HHLA2: variants seen among roughly 807,000 people sequenced by gnomAD.
The protein encoded by HHLA2 is HERV-H LTR-associating protein 2.
HHLA2 carries 48 observed loss-of-function variants against 45.9 expected under a neutral mutation model. The observed-to-expected ratio is 1.05, with a 90% confidence interval of 0.83 to 1.33. The LOEUF (loss-of-function observed/expected upper bound fraction) is 1.33. HHLA2 is among the 40% of genes most tolerant of loss of function. HHLA2 has a pLI of 0.00. For synonymous variants in HHLA2, 161 were observed against 173.9 expected (o/e 0.93, Z 0.59); for missense variants, 462 against 494.3 (o/e 0.93, Z 0.62).
At chr3:108,375,330 G>T (rs1405998802) in intron 8 of HHLA2, among the ~76,000 whole-genome samples, 1 of 147,208 alleles carries the variant, frequency 6.8e-6, no homozygotes, top group African/African-American at 2.5e-5. Context: ...GGACTCTTGT[G>T]GGGTAGGGGA....
chr3:108,360,331 A>AAAT (rs951598021), intron 7 of HHLA2, among the ~76,000 whole-genome samples: 2 of 152,124 alleles, frequency 1.3e-5, no homozygotes, highest in African/African-American at 4.8e-5. Context: ...AAACTAACAC[A>AAAT]AATTTTCTTC....
intron 8 of HHLA2, among the ~76,000 whole-genome samples, chr3:108,372,166 A>C (rs1443814913): frequency 1.3e-5 from 2 of 152,264 alleles, no homozygotes; most frequent in Non-Finnish European, 2.9e-5. Context: ...CTCAGGATTA[A>C]GAAATTCACT....
intron 2 of HHLA2, among the ~76,000 whole-genome samples, chr3:108,317,275 C>G (rs1469588666): frequency 1.3e-5 from 2 of 152,186 alleles, no homozygotes; most frequent in African/African-American, 4.8e-5. Context: ...CAACTAGGAT[C>G]TCTGTGACAT....
intron 3 of HHLA2, among the ~76,000 whole-genome samples, chr3:108,330,029 A>C (rs547810009): frequency 1.3e-5 from 2 of 152,142 alleles, no homozygotes; most frequent in African/African-American, 4.8e-5. Flanking sequence ...AAACTCATTC[A>C]TGTGGCTGCT....
Position 108,376,485 on chromosome 3 carries a change from T to TC in HHLA2, c.1160-6dup. 6.3e-7 allele frequency: 1 copy of TC among 1,594,932 alleles called. No individual in the cohort carries two copies. The highest frequency in any genetic ancestry group is 8.5e-7 in the Non-Finnish European group (1 of 1,173,818). ...ATTATTTTTAAGTTCTCTTTTTTTT[T>TC]CCTGTAGAAAGATGTTGTGTCCCTC... On this transcript the variant is annotated splice_polypyrimidine_tract_variant and splice_region_variant and intron_variant, in intron 9 of 10. Coordinates refer to ENST00000619531, the Ensembl canonical transcript of HHLA2.
intron 3 of HHLA2, among the ~76,000 whole-genome samples, chr3:108,338,957 G>A (rs1461290932): frequency 6.6e-6 from 1 of 152,218 alleles, no homozygotes; most frequent in Non-Finnish European, 1.5e-5. Flanking sequence ...AGGAGACTAA[G>A]ATGGCAATGG....
chr3:108,345,566 C>G (rs1245979806), intron 3 of HHLA2, among the ~76,000 whole-genome samples: 1 of 152,130 alleles, frequency 6.6e-6, no homozygotes, highest in Non-Finnish European at 1.5e-5. Flanking sequence ...AGAGACCAGC[C>G]CCAATTTCCA....
intron 7 of HHLA2, among the ~76,000 whole-genome samples, chr3:108,359,991 G>T (rs2107477706): frequency 6.6e-6 from 1 of 152,234 alleles, no homozygotes; most frequent in East Asian, 1.9e-4. Flanking sequence ...TGCTTTCATT[G>T]CAATTAAAGA....
At chr3:108,349,365 C>T (rs1241601030) in intron 3 of HHLA2, among the ~76,000 whole-genome samples, 2 of 152,146 alleles carry the variant, frequency 1.3e-5, no homozygotes, top group East Asian at 3.8e-4. Context: ...ACTATAAACA[C>T]CTCTACGCAA....
rs947581633 is a variant in HHLA2, at chr3:108,348,659, T to A, written c.-26-3129T>A. ...GCAGGGACAAATTTCTTTTTTTTTT[T>A]TAATTATACTTTAAATTCTGGGTTA... On this transcript the variant is annotated intron_variant, in intron 3 of 10. Coordinates refer to ENST00000619531, the Ensembl canonical transcript of HHLA2. Among the ~76,000 whole-genome samples the A allele has an allele frequency of 5.4e-4, 65 of 119,588 alleles. 1 individual carries two copies. Among genetic ancestry groups the A allele is most frequent in the Admixed American group, 8.4e-4 (10 of 11,894 alleles). The allele number at this position is 119,588 out of a possible 152,430, so 78.5% of individuals were successfully genotyped here. A position where few individuals can be genotyped will look rare whatever the true frequency, so the allele number is the denominator to read the frequency against.
At chr3:108,297,319 G>T (rs557434682) in intron 1 of HHLA2, among the ~76,000 whole-genome samples, 1 of 152,240 alleles carries the variant, frequency 6.6e-6, no homozygotes, top group African/African-American at 2.4e-5. Context: ...TAGAAACTTG[G>T]AGGAAATAAT....
At chr3:108,341,038 C>T (rs749165799) in intron 3 of HHLA2, among the ~76,000 whole-genome samples, 2 of 151,268 alleles carry the variant, frequency 1.3e-5, no homozygotes, top group African/African-American at 2.4e-5. Context: ...CTGCAACCTC[C>T]GCCTCCCAGG....
At chr3:108,326,829 G>A (rs1191857565) in intron 2 of HHLA2, 2 of 152,362 alleles carry the variant, frequency 1.3e-5, no homozygotes, top group Non-Finnish European at 2.9e-5. Flanking sequence ...GCTATGGAAA[G>A]AGAGACTTTA....
At chr3:108,322,498 T>C (rs12634962) in intron 2 of HHLA2, among the ~76,000 whole-genome samples, 28,782 of 152,052 alleles carry the variant, frequency 0.19, 3,235 homozygotes, top group East Asian at 0.53. Flanking sequence ...CCACCTCCTC[T>C]TTCCTCTTCT....
intron 2 of HHLA2, among the ~76,000 whole-genome samples, chr3:108,320,413 A>G (rs1444224802): frequency 6.6e-6 from 1 of 152,188 alleles, no homozygotes; most frequent in African/African-American, 2.4e-5. Context: ...TGCAAAAGCA[A>G]TTGCGGTTTT....
intron 7 of HHLA2, 27 bp from the exon 7 acceptor site, chr3:108,362,315 G>A (rs758143260): frequency 6.5e-7 from 1 of 1,549,386 alleles, no homozygotes; most frequent in South Asian, 1.1e-5. Flanking sequence ...CCAGTTCACA[G>A]ACTTTGTTTC....
intron 1 of HHLA2, among the ~76,000 whole-genome samples, chr3:108,308,323 C>T (rs1037899326): frequency 2.6e-5 from 4 of 152,272 alleles, no homozygotes; most frequent in Admixed American, 2.6e-4. Flanking sequence ...CCATCCATGT[C>T]GTTGCAACTA....
chr3:108,312,151 T>TA (rs74501183), intron 2 of HHLA2, among the ~76,000 whole-genome samples: 29,050 of 152,128 alleles, frequency 0.19, 3,298 homozygotes, highest in East Asian at 0.53. Flanking sequence ...TTAGTGGCTC[T>TA]AATCCCCCCA....
At chr3:108,333,298 C>A (rs2081418305) in intron 3 of HHLA2, among the ~76,000 whole-genome samples, 1 of 152,146 alleles carries the variant, frequency 6.6e-6, no homozygotes, top group East Asian at 1.9e-4. Context: ...CATGTCATAA[C>A]CTTAATTCTC....
Sources: allele counts gnomAD v4.1 joint callset (sites outside exome capture counted in the v4.1 genomes callset), GRCh38; gene constraint gnomAD v4.1.1; transcripts MANE v1.5; gene names NCBI Gene and HGNC (gene_info 2026-07-23, HGNC 2026-07-21).